The following LRRC37A2 variants were observed in gnomAD, a reference collection of about 807,000 sequenced individuals.
The protein encoded by LRRC37A2 is leucine-rich repeat-containing protein 37A2.
Under a neutral mutation model 68.8 loss-of-function variants are expected in LRRC37A2, and 9 were observed. That is an observed-to-expected ratio of 0.13 (90% CI 0.08 to 0.23). The LOEUF (loss-of-function observed/expected upper bound fraction) is 0.23, where lower values mean the gene tolerates loss of function less well. LRRC37A2 is among the 10% of genes least tolerant of loss of function. The pLI is 1.00. For missense variants in LRRC37A2, 168 were observed against 950.4 expected, an observed-to-expected ratio of 0.18 and a Z score of 10.82; for synonymous variants, 63 against 367.6, an observed-to-expected ratio of 0.17 and a Z score of 9.48.
the LRRC37A2 span, among the ~76,000 whole-genome samples, chr17:46,796,154 T>G: frequency 1.3e-5 from 2 of 152,098 alleles, no homozygotes; most frequent in Admixed American, 1.3e-4. Flanking sequence ...CATTACCACG[T>G]TTCCTTGGGA....
At chr17:46,874,485 G>T in the LRRC37A2 span, among the ~76,000 whole-genome samples, 2 of 152,214 alleles carry the variant, frequency 1.3e-5, no homozygotes, top group Non-Finnish European at 2.9e-5. Flanking sequence ...TCTCTGAGAG[G>T]TGAAGGCCGT....
the LRRC37A2 span, among the ~76,000 whole-genome samples, chr17:46,658,262 A>T: frequency 2.2e-4 from 1 of 4,616 alleles, no homozygotes; most frequent in Non-Finnish European, 3.2e-4. Flanking sequence ...CTGCCCTTGA[A>T]CTCCTGACCT....
chr17:46,906,777 A>T, the LRRC37A2 span, among the ~76,000 whole-genome samples: 1 of 152,134 alleles, frequency 6.6e-6, no homozygotes, highest in African/African-American at 2.4e-5. Flanking sequence ...TCTAGTAAGC[A>T]GCAGAGCCCA....
chr17:47,003,862 C>T, the LRRC37A2 span, among the ~76,000 whole-genome samples: 2 of 152,054 alleles, frequency 1.3e-5, no homozygotes, highest in African/African-American at 4.8e-5. Context: ...TAATGCTTTC[C>T]CTTCCCCCTT....
At chr17:46,963,991 A>T in the LRRC37A2 span, 2 of 152,008 alleles carry the variant, frequency 1.3e-5, no homozygotes, top group Non-Finnish European at 1.5e-5. Context: ...TAATTGACTT[A>T]TTTTTTGTAG....
the LRRC37A2 span, among the ~76,000 whole-genome samples, chr17:47,035,897 T>A: frequency 6.6e-6 from 1 of 152,340 alleles, no homozygotes; most frequent in Admixed American, 6.5e-5. Flanking sequence ...GATGGACATT[T>A]CCCTAATGAT....
the LRRC37A2 span, among the ~76,000 whole-genome samples, chr17:46,777,209 C>CA: frequency 2.3e-3 from 331 of 145,066 alleles, 1 homozygote; most frequent in African/African-American, 6.1e-3. Flanking sequence ...GACTTCGTCT[C>CA]AAAAAAAAAA....
chr17:46,863,842 C>A, the LRRC37A2 span, among the ~76,000 whole-genome samples: 55 of 152,142 alleles, frequency 3.6e-4, no homozygotes, highest in Admixed American at 3.6e-3. Flanking sequence ...CCCAAGGGAG[C>A]CGCTCACAAC....
At chr17:47,034,783 G>A in the LRRC37A2 span, among the ~76,000 whole-genome samples, 7 of 150,552 alleles carry the variant, frequency 4.6e-5, no homozygotes, top group Non-Finnish European at 8.9e-5. Context: ...AGAGGTAGCC[G>A]ACTTTGTACA....
the LRRC37A2 span, among the ~76,000 whole-genome samples, chr17:46,804,469 C>CCTT: frequency 5.1e-4 from 77 of 152,184 alleles, no homozygotes; most frequent in Non-Finnish European, 9.7e-4. Flanking sequence ...AGACTCCCTG[C>CCTT]CCTATGGGGA....
At chr17:46,999,617 T>C in the LRRC37A2 span, among the ~76,000 whole-genome samples, 1 of 152,054 alleles carries the variant, frequency 6.6e-6, no homozygotes, top group Non-Finnish European at 1.5e-5. Context: ...CCCAAAGTGT[T>C]GGGATTACAG....
the LRRC37A2 span, chr17:46,749,629 C>G: frequency 1.4e-6 from 1 of 726,320 alleles, no homozygotes; most frequent in South Asian, 2.9e-5. Flanking sequence ...TCAGGAAAAT[C>G]CTGAATTGTT....
chr17:46,809,475 C>T, the LRRC37A2 span, among the ~76,000 whole-genome samples: 1 of 152,210 alleles, frequency 6.6e-6, no homozygotes, highest in African/African-American at 2.4e-5. Context: ...CCCTCCCCAA[C>T]ACACACGTAC....
the LRRC37A2 span, among the ~76,000 whole-genome samples, chr17:46,919,255 G>C: frequency 4.6e-5 from 7 of 152,214 alleles, no homozygotes; most frequent in Non-Finnish European, 1.0e-4. Flanking sequence ...AAACGTTCTA[G>C]TAAAATGAAG....
the LRRC37A2 span, among the ~76,000 whole-genome samples, chr17:46,947,240 C>G: frequency 1.3e-5 from 2 of 152,134 alleles, no homozygotes; most frequent in African/African-American, 4.8e-5. Context: ...AGTTACTGCT[C>G]AGGAAGCAGG....
chr17:46,827,472 G>A, the LRRC37A2 span, among the ~76,000 whole-genome samples: 1 of 152,186 alleles, frequency 6.6e-6, no homozygotes, highest in African/African-American at 2.4e-5. Context: ...GCCTGAAGAT[G>A]AAGCTGACCG....
the LRRC37A2 span, among the ~76,000 whole-genome samples, chr17:46,860,094 A>G: frequency 1.1e-4 from 17 of 152,258 alleles, no homozygotes; most frequent in Middle Eastern, 6.8e-3. Context: ...GATAAGAATC[A>G]CTGTGTTTTG....
chr17:46,911,066 C>G, the LRRC37A2 span, among the ~76,000 whole-genome samples: 65 of 152,296 alleles, frequency 4.3e-4, 1 homozygote, highest in African/African-American at 1.6e-3. Flanking sequence ...GCCAGGAGCA[C>G]CTGTGACAAT....
At chr17:46,708,031 CA>C in the LRRC37A2 span, among the ~76,000 whole-genome samples, 1,951 of 85,562 alleles carry the variant, frequency 0.023, 11 homozygotes, top group Middle Eastern at 0.071. Context: ...GACCCTGTCT[CA>C]AAAAAAAAAA....
Sources: allele counts gnomAD v4.1 joint callset (sites outside exome capture counted in the v4.1 genomes callset), GRCh38; gene constraint gnomAD v4.1.1; transcripts MANE v1.5; gene names NCBI Gene and HGNC (gene_info 2026-07-23, HGNC 2026-07-21).